The following CASZ1 variants were observed in gnomAD, a reference collection of about 807,000 sequenced individuals.
The protein encoded by CASZ1 is zinc finger protein castor homolog 1.
A neutral mutation model predicts 135.2 loss-of-function variants in CASZ1; 28 were observed. That is an observed-to-expected ratio of 0.21 (90% CI 0.15 to 0.28). CASZ1 has a LOEUF of 0.28. Among genes scored for constraint, CASZ1 ranks in the 10% least tolerant of loss-of-function variants. The probability of loss-of-function intolerance (pLI) is 1.00; values close to 1 mark genes in which losing one functional copy is unlikely to be tolerated. For missense variants in CASZ1, 2,161 were observed against 2,453.3 expected (o/e 0.88, Z 2.52); for synonymous variants, 1,068 against 1,073.4 (o/e 0.99, Z 0.10).
intron 1 of CASZ1, among the ~76,000 whole-genome samples, chr1:10,773,724 G>A (rs1324323440): frequency 6.6e-6 from 1 of 152,116 alleles, no homozygotes; most frequent in African/African-American, 2.4e-5. Flanking sequence ...GGCCTGCTGT[G>A]GTCAGACCAG....
intron 5 of CASZ1, among the ~76,000 whole-genome samples, chr1:10,664,629 G>A (rs1035845843): frequency 5.9e-5 from 9 of 151,980 alleles, no homozygotes; most frequent in Non-Finnish European, 1.0e-4. Context: ...AGAAAGCTCC[G>A]TAAGTAGCAG....
intron 4 of CASZ1, among the ~76,000 whole-genome samples, chr1:10,668,518 A>T (rs1281329431): frequency 1.3e-5 from 2 of 152,162 alleles, no homozygotes; most frequent in African/African-American, 4.8e-5. Flanking sequence ...GCTTCCCCAG[A>T]GACGGGAGAG....
Position 10,694,543 on chromosome 1 carries a change from G to T in CASZ1, c.-23-631C>A. On this transcript the variant is annotated intron_variant, in intron 3 of 20. Transcript: ENST00000377022. The surrounding 1 kb of genome is among the most constrained non-coding windows in gnomAD (Gnocchi z 6.6). Reference sequence around the variant, plus strand: ...GGCCGCGGCGCCGCCTCCTCGGCCCGGCCCGCGCCGGCCCCGGCAGGTGAA... The same window carrying T: ...GGCCGCGGCGCCGCCTCCTCGGCCCTGCCCGCGCCGGCCCCGGCAGGTGAA... The T allele has an allele frequency of 7.1e-6, 1 of 141,330 alleles. No individual in the cohort carries two copies. Among genetic ancestry groups the T allele is most frequent in the South Asian group, 2.1e-4 (1 of 4,794 alleles). 8.8% of individuals were successfully genotyped at this position (141,330 alleles called of 1,614,324 possible).
chr1:10,709,604 AAG>A lies in CASZ1; in HGVS notation c.-76-4062_-76-4061del, dbSNP rs751673784. ...AAGCATGTTAAAAGAGTGAAAAAGA[AAG>A]AGAGAGCGGGAGAGGGGGAGAGAGA... On this transcript the variant is annotated intron_variant, in intron 2 of 20. Coordinates refer to ENST00000377022, the MANE Select transcript of CASZ1 (RefSeq NM_001079843.3). The surrounding 1 kb of genome is among the most constrained non-coding windows in gnomAD (Gnocchi z 5.1). Among the ~76,000 whole-genome samples the A allele has an allele frequency of 6.6e-6, 1 of 152,128 alleles. No homozygotes were observed. The highest frequency in any genetic ancestry group is 2.4e-5 in the African/African-American group (1 of 41,420).
intron 1 of CASZ1, among the ~76,000 whole-genome samples, chr1:10,779,261 C>T (rs1337146017): frequency 7.2e-6 from 1 of 138,314 alleles, no homozygotes; most frequent in East Asian, 2.5e-4. Flanking sequence ...AAAGTACAAA[C>T]TATCTCATAA....
intron 4 of CASZ1, among the ~76,000 whole-genome samples, chr1:10,674,199 C>T (rs1223632297): frequency 4.6e-5 from 7 of 152,234 alleles, no homozygotes; most frequent in Non-Finnish European, 8.8e-5. Context: ...GCATTGGCCA[C>T]CATCACCCCT....
chr1:10,727,452 C>A lies in CASZ1; in HGVS notation c.-76-21908G>T, dbSNP rs908448748. Among the ~76,000 whole-genome samples, 10 of 151,828 alleles carry A rather than the reference C, an allele frequency of 6.6e-5. No homozygotes were observed. Among genetic ancestry groups the A allele is most frequent in the African/African-American group, 2.4e-4 (10 of 41,342 alleles). ...CTCACAAACACCCCAGCTCCTTGAA[C>A]CCCCGGGCCCAGGGGATTCAGCACA... On this transcript the variant is annotated intron_variant, in intron 2 of 20. Transcript: ENST00000377022. The surrounding 1 kb of genome is among the most constrained non-coding windows in gnomAD (Gnocchi z 5.3).
intron 4 of CASZ1, among the ~76,000 whole-genome samples, chr1:10,686,129 G>A (rs1638579607): frequency 1.3e-5 from 2 of 151,910 alleles, no homozygotes; most frequent in South Asian, 2.1e-4. Flanking sequence ...CCCAGCACGG[G>A]GGCCTGTGGG....
At chr1:10,691,049 T>C (rs1638750131) in intron 4 of CASZ1, among the ~76,000 whole-genome samples, 1 of 150,272 alleles carries the variant, frequency 6.7e-6, no homozygotes, top group African/African-American at 2.4e-5. Flanking sequence ...AAGGGCCTAA[T>C]GGAACTATGT....
rs1244402366 is a variant in CASZ1, at chr1:10,694,165, C to T, written c.-23-253G>A. On this transcript the variant is annotated intron_variant, in intron 3 of 20. Coordinates refer to ENST00000377022, the MANE Select transcript of CASZ1 (RefSeq NM_001079843.3). This position sits in a 1 kb window ranked among gnomAD's most constrained non-coding sequence, Gnocchi z 6.6. The stretch of plus-strand genomic sequence containing the variant: ...GCAGCAACTCTCGGCCGGCGCGGCC[C>T]CGGCTTGGGGGCCCTGGCCGGGGGA... 6.2e-6 allele frequency: 2 copies of T among 321,842 alleles called. No individual in the cohort carries two copies. The highest frequency in any genetic ancestry group is 9.8e-6 in the Non-Finnish European group (2 of 203,850). 19.9% of individuals were successfully genotyped at this position (321,842 alleles called of 1,614,324 possible). A position where few individuals can be genotyped will look rare whatever the true frequency, so the allele number is the denominator to read the frequency against.
chr1:10,716,271 C>G (rs1202115465), intron 2 of CASZ1, among the ~76,000 whole-genome samples: 1 of 152,030 alleles, frequency 6.6e-6, no homozygotes, highest in African/African-American at 2.4e-5. Flanking sequence ...CCCCACCCCA[C>G]AGCACCCAAT....
At chr1:10,640,296 T>TC (rs146751357) in intron 20 of CASZ1, among the ~76,000 whole-genome samples, 1,657 of 152,226 alleles carry the variant, frequency 0.011, 19 homozygotes, top group African/African-American at 0.029. Context: ...CACAGGCCTC[T>TC]CCCCCGGGGG....
At chr1:10,750,976 G>T (rs949242506) in intron 2 of CASZ1, among the ~76,000 whole-genome samples, 2 of 151,540 alleles carry the variant, frequency 1.3e-5, no homozygotes, top group Admixed American at 6.6e-5. Context: ...GGTCACTGGA[G>T]GATTTGAGAG....
intron 2 of CASZ1, among the ~76,000 whole-genome samples, chr1:10,710,199 C>T (rs1639259796): frequency 2.0e-5 from 3 of 152,224 alleles, no homozygotes; most frequent in Non-Finnish European, 2.9e-5. Flanking sequence ...GAGGCTGGCT[C>T]AGCACCAGCT....
At chr1:10,729,820 T>A (rs201619686) in intron 2 of CASZ1, among the ~76,000 whole-genome samples, 13 of 152,188 alleles carry the variant, frequency 8.5e-5, no homozygotes, top group South Asian at 2.1e-4. Context: ...TATTTTATTT[T>A]TTTTTTTATT....
At chr1:10,796,442 G>T (rs961613021) in intron 1 of CASZ1, 122 bp downstream of exon 1, 2 of 108,888 alleles carry the variant, frequency 1.8e-5, no homozygotes, top group Non-Finnish European at 4.7e-5. Flanking sequence ...TGCTGCAAGC[G>T]GCAGCCCCGG....
intron 13 of CASZ1, 115 bp from the exon 14 acceptor site, chr1:10,649,552 C>T: frequency 2.4e-6 from 3 of 1,245,736 alleles, no homozygotes; most frequent in South Asian, 3.1e-5. Flanking sequence ...CCCTCAGAGC[C>T]AGCAGAGAAT....
At position 10,683,609 on chromosome 1, in the gene CASZ1, C is replaced by T. The variant is rs76001210; in HGVS notation, c.16+10265G>A. On this transcript the variant is annotated intron_variant, in intron 4 of 20. Coordinates refer to ENST00000377022, the MANE Select transcript of CASZ1 (RefSeq NM_001079843.3). ...CGTGAACCTGTCTCCTAGGAGAATG[C>T]CCGTTCGGTTAGACATGCTTCCTGA... 8.3e-3 allele frequency among the ~76,000 whole-genome samples: 1,260 copies of T among 152,296 alleles called. 6 individuals are homozygous for T. Among genetic ancestry groups the T allele is most frequent in the Non-Finnish European group, 0.013 (915 of 68,032 alleles).
intron 1 of CASZ1, among the ~76,000 whole-genome samples, chr1:10,792,492 T>C (rs1640980064): frequency 6.6e-6 from 1 of 151,864 alleles, no homozygotes; most frequent in African/African-American, 2.4e-5. Flanking sequence ...CCTGCCTTAC[T>C]TTAATATTAA....
Sources: allele counts gnomAD v4.1 joint callset (sites outside exome capture counted in the v4.1 genomes callset), GRCh38; gene constraint gnomAD v4.1.1; non-coding constraint Gnocchi (gnomAD v3.1); transcripts MANE v1.5; gene names NCBI Gene and HGNC (gene_info 2026-07-23, HGNC 2026-07-21).